BCR: variants seen among roughly 807,000 people sequenced by gnomAD.
BCR encodes breakpoint cluster region protein.
In BCR, 58 loss-of-function variants were observed where a neutral mutation model predicts 138.6. The ratio of observed to expected loss-of-function variants is 0.42; its 90% CI spans 0.34 to 0.52. BCR has a LOEUF of 0.52. Among genes scored for constraint, BCR ranks in the 20% least tolerant of loss-of-function variants. The probability of loss-of-function intolerance (pLI) is 0.06; values close to 1 mark genes in which losing one functional copy is unlikely to be tolerated. For synonymous variants in BCR, 786 were observed against 730.1 expected, an observed-to-expected ratio of 1.08 and a Z score of -1.23; for missense variants, 1,599 against 1,727.2, an observed-to-expected ratio of 0.93 and a Z score of 1.32.
At position 23,279,215 on chromosome 22, in the gene BCR, C is replaced by T. The variant is rs553121924; in HGVS notation, c.2116-4762C>T. Reference sequence around the variant, plus strand: ...AGCATTGTTCTTCCCAGGCCCTGCCCTACCCTCCTCCTGGCATAGTGTCTC... The same window carrying T: ...AGCATTGTTCTTCCCAGGCCCTGCCTTACCCTCCTCCTGGCATAGTGTCTC... On this transcript the variant is annotated intron_variant, in intron 8 of 22. Transcript: ENST00000305877. Among the ~76,000 whole-genome samples, 3 of 152,350 alleles carry T rather than the reference C, an allele frequency of 2.0e-5. No individual in the cohort carries two copies. In the East Asian group the frequency reaches 5.8e-4, roughly 29 times the overall value.
chr22:23,240,212 A>G (rs2073073415), intron 1 of BCR, among the ~76,000 whole-genome samples: 1 of 152,076 alleles, frequency 6.6e-6, no homozygotes, highest in Admixed American at 6.6e-5. Context: ...AGAGGTTAGG[A>G]CTTCAGCATA....
intron 8 of BCR, among the ~76,000 whole-genome samples, chr22:23,276,158 G>C (rs1782132090): frequency 6.6e-6 from 1 of 152,090 alleles, no homozygotes; most frequent in Non-Finnish European, 1.5e-5. Context: ...CTAGTACTTT[G>C]GGAGGCCGAG....
chr22:23,195,663 G>C (rs543590891), intron 1 of BCR, among the ~76,000 whole-genome samples: 2 of 152,214 alleles, frequency 1.3e-5, no homozygotes, highest in South Asian at 4.2e-4. Flanking sequence ...GAGGTGGGTG[G>C]ATCACCTAAG....
intron 11 of BCR, among the ~76,000 whole-genome samples, chr22:23,287,719 G>C (rs1184538709): frequency 6.6e-6 from 1 of 152,220 alleles, no homozygotes; most frequent in Non-Finnish European, 1.5e-5. Flanking sequence ...GAGGCAGCTG[G>C]TGGGCTCTGC....
At chr22:23,267,338 G>T (rs2073454233) in intron 4 of BCR, among the ~76,000 whole-genome samples, 1 of 152,104 alleles carries the variant, frequency 6.6e-6, no homozygotes, top group Non-Finnish European at 1.5e-5. Flanking sequence ...CAGGGGCCTG[G>T]CAGGTGTCTT....
chr22:23,189,165 T>A (rs955641999), intron 1 of BCR, among the ~76,000 whole-genome samples: 2 of 152,154 alleles, frequency 1.3e-5, no homozygotes, highest in African/African-American at 4.8e-5. Flanking sequence ...CGGCTAAAAT[T>A]TATATTATAA....
At chr22:23,260,552 C>G (rs113465420) in intron 2 of BCR, among the ~76,000 whole-genome samples, 1 of 152,194 alleles carries the variant, frequency 6.6e-6, no homozygotes, top group Non-Finnish European at 1.5e-5. Flanking sequence ...GCAGCAGAAG[C>G]CAGGTGGCCA....
rs12167792 is a variant in BCR, at chr22:23,227,282, C to T, written c.1280-26517C>T. 1.8e-3 allele frequency among the ~76,000 whole-genome samples: 271 copies of T among 152,250 alleles called. 1 individual carries two copies. The highest frequency in any genetic ancestry group is 6.2e-3 in the African/African-American group (259 of 41,524). On this transcript the variant is annotated intron_variant, in intron 1 of 22. Transcript: ENST00000305877. ...CAATAGACACTTTGTTATTGTGTTC[C>T]GTCTAGAAACAACCCTGCTAAGTAG...
At chr22:23,277,436 C>T (rs551693267) in intron 8 of BCR, among the ~76,000 whole-genome samples, 1 of 152,324 alleles carries the variant, frequency 6.6e-6, no homozygotes, top group Non-Finnish European at 1.5e-5. Context: ...TTCCACCCCT[C>T]CTCTTGTTCC....
chr22:23,295,179 C>T (rs771151106), intron 16 of BCR, 24 bp downstream of exon 16: 3 of 1,612,824 alleles, frequency 1.9e-6, no homozygotes, highest in East Asian at 4.5e-5. Context: ...CCCTACCCTC[C>T]CCTGCCCGAT....
chr22:23,244,518 C>T (rs1022893761), intron 1 of BCR, among the ~76,000 whole-genome samples: 1 of 152,138 alleles, frequency 6.6e-6, no homozygotes, highest in Non-Finnish European at 1.5e-5. Context: ...CTGTCTTCCT[C>T]CCTCCTGCAT....
chr22:23,287,057 C>T, intron 10 of BCR, 102 bp from the exon 11 acceptor site: 1 of 1,533,350 alleles, frequency 6.5e-7, no homozygotes, highest in East Asian at 2.5e-5. Context: ...GGATTCTTGC[C>T]CTCTGCAGGC....
intron 1 of BCR, among the ~76,000 whole-genome samples, chr22:23,212,463 C>A (rs1224939596): frequency 6.6e-6 from 1 of 152,194 alleles, no homozygotes; most frequent in African/African-American, 2.4e-5. Flanking sequence ...AGTACACTGG[C>A]TTCTGGGAAG....
chr22:23,315,245 C>T (rs941812799), intron 22 of BCR, among the ~76,000 whole-genome samples, 188 bp from the exon 23 acceptor site: 2 of 151,604 alleles, frequency 1.3e-5, no homozygotes, highest in African/African-American at 4.9e-5. Flanking sequence ...AATAACCACC[C>T]CCCACCCAAC....
chr22:23,227,551 T>G (rs536802474), intron 1 of BCR, among the ~76,000 whole-genome samples: 2 of 152,288 alleles, frequency 1.3e-5, no homozygotes, highest in South Asian at 4.1e-4. Flanking sequence ...GGGAGGAGCT[T>G]TGGAAAGGAG....
At chr22:23,200,401 A>G (rs2072539099) in intron 1 of BCR, among the ~76,000 whole-genome samples, 1 of 151,890 alleles carries the variant, frequency 6.6e-6, no homozygotes, top group African/African-American at 2.4e-5. Context: ...TGCAGCCTCA[A>G]CCTCCTGGGC....
chr22:23,240,500 A>G (rs559289698), intron 1 of BCR, among the ~76,000 whole-genome samples: 1 of 151,420 alleles, frequency 6.6e-6, no homozygotes, highest in South Asian at 2.1e-4. Context: ...AAATACAAAA[A>G]ATCAGCCGGG....
chr22:23,213,135 C>T (rs1204685797), intron 1 of BCR, among the ~76,000 whole-genome samples: 1 of 152,208 alleles, frequency 6.6e-6, no homozygotes, highest in Non-Finnish European at 1.5e-5. Context: ...TGTCTCCTTG[C>T]TTGTCTGGCT....
chr22:23,208,450 A>G (rs981070393), intron 1 of BCR, among the ~76,000 whole-genome samples: 3 of 151,842 alleles, frequency 2.0e-5, no homozygotes, highest in Non-Finnish European at 4.4e-5. Context: ...TACATGTAAC[A>G]TTTACCATCT....
Sources: gnomAD v4.1 joint callset for allele counts (sites outside exome capture counted in the v4.1 genomes callset) on GRCh38, gnomAD v4.1.1 for gene constraint, MANE v1.5 for transcripts, NCBI Gene and HGNC (gene_info 2026-07-23, HGNC 2026-07-21) for gene names.